The following ZBTB33 variants were observed in gnomAD, a reference collection of about 807,000 sequenced individuals.
ZBTB33 encodes transcriptional regulator Kaiso.
ZBTB33 carries 11 observed loss-of-function variants against 25.9 expected under a neutral mutation model. The ratio of observed to expected loss-of-function variants is 0.42; its 90% CI spans 0.27 to 0.70. The LOEUF (loss-of-function observed/expected upper bound fraction) is 0.70, where lower values mean the gene tolerates loss of function less well. Among genes scored for constraint, ZBTB33 ranks in the 30% least tolerant of loss-of-function variants. The pLI, the probability that ZBTB33 is intolerant of heterozygous loss-of-function variation, is 0.23. For synonymous variants in ZBTB33, 157 were observed against 184.8 expected (o/e 0.85, Z 1.22); for missense variants, 343 against 501.1 (o/e 0.68, Z 3.01).
chrX:120,251,289 G>T (rs185442079), intron 1 of ZBTB33, among the ~76,000 whole-genome samples: 3 of 110,300 alleles, frequency 2.7e-5, no homozygotes, highest in Non-Finnish European at 5.7e-5. Context: ...GCTTTTTTGT[G>T]CCTCTTTTAC....
In ZBTB33 at chrX:120,254,311, C is replaced by T; in HGVS notation, c.896C>T (p.Pro299Leu). 1 of 1,211,845 alleles carries T rather than the reference C, an allele frequency of 8.3e-7. No homozygotes were observed. The highest frequency in any genetic ancestry group is 2.3e-4 in the Middle Eastern group (1 of 4,356). The part of the protein sequence containing the change: ...STPPNVSSSL[P>L]NHMPSSINLL... The stretch of plus-strand genomic sequence containing the variant: ...CCACCAAATGTCAGTTCTTCACTTC[C>T]AAATCATATGCCCTCTTCAATCAAT... The change falls in exon 3 of 3, where the codon CCA becomes CTA. Residue 299 changes from proline to leucine, a missense_variant. By Grantham distance (98) the Pro-to-Leu change is moderately conservative. Coordinates refer to ENST00000557385, the MANE Select transcript of ZBTB33 (RefSeq NM_001184742.2).
chrX:120,251,223 G>A (rs1294655119), intron 1 of ZBTB33, among the ~76,000 whole-genome samples: 1 of 111,513 alleles, frequency 9.0e-6, no homozygotes, highest in Non-Finnish European at 1.9e-5. Context: ...GTAGGCCCCG[G>A]GGCTTGGGGA....
rs1310951917 is a variant in ZBTB33 at position 120,254,604 on chromosome X, A to G, written c.1189A>G (p.Arg397Gly). The change falls in exon 3 of 3, where the codon AGA becomes GGA. Residue 397 changes from arginine to glycine, a missense_variant. This residue lies in a region of ZBTB33 where 304 missense variants were observed against 410.0 expected (regional missense o/e 0.74). Transcript: ENST00000557385. ...NSLKISDIIT[R>G]NTNDPGVGSK... The stretch of plus-strand genomic sequence containing the variant: ...CTTAAAAATTTCAGATATAATTACT[A>G]GAAATACTAATGATCCAGGCGTAGG... 5 of 1,210,192 alleles carry G rather than the reference A, an allele frequency of 4.1e-6. No individual in the cohort carries two copies. Among genetic ancestry groups the G allele is most frequent in the Non-Finnish European group, 5.6e-6 (5 of 895,082 alleles).
At position 120,257,648 on chromosome X, in the gene ZBTB33, T is replaced by C. The variant is rs1556015743; in HGVS notation, c.*2214T>C. The C allele has an allele frequency of 3.2e-5, 4 of 123,209 alleles. No homozygotes were observed. The highest frequency in any genetic ancestry group is 1.9e-5 in the Non-Finnish European group (1 of 53,087). The allele number at this position is 123,209 out of a possible 1,213,427, so 10.2% of individuals were successfully genotyped here. ...GGAGGAGAGAAACTGGAAAATTAAA[T>C]TGTATTTTTGCCAGAAGACTCTTAC... is the stretch of plus-strand genomic sequence containing the variant. On this transcript the variant is annotated 3_prime_UTR_variant, in exon 3 of 3. Coordinates refer to ENST00000557385, the MANE Select transcript of ZBTB33 (RefSeq NM_001184742.2).
At position 120,257,701 on chromosome X, in the gene ZBTB33, T is replaced by C. The variant is rs1371434762; in HGVS notation, c.*2267T>C. ...GCATGTGTCTCAGGGTCTTCAGTTTTTCTATAAGTTTCCATATCCAAAGTT... is the reference window on the plus strand; with the variant it reads ...GCATGTGTCTCAGGGTCTTCAGTTTCTCTATAAGTTTCCATATCCAAAGTT... On this transcript the variant is annotated 3_prime_UTR_variant, in exon 3 of 3. Transcript: ENST00000557385. The C allele has an allele frequency of 8.1e-6, 1 of 123,437 alleles. No individual in the cohort carries two copies. Among genetic ancestry groups the C allele is most frequent in the African/African-American group, 3.2e-5 (1 of 30,908 alleles). The allele number at this position is 123,437 out of a possible 1,213,427, so 10.2% of individuals were successfully genotyped here.
chrX:120,252,959 G>A (rs975346584), intron 2 of ZBTB33, among the ~76,000 whole-genome samples, 189 bp downstream of exon 2: 3 of 111,837 alleles, frequency 2.7e-5, no homozygotes, highest in Non-Finnish European at 3.8e-5. Flanking sequence ...AGTATTGCAC[G>A]CGCTGAGCTT....
rs1269128088 is a variant in ZBTB33, at chrX:120,256,781, G to C, written c.*1347G>C. ...TTTATAACAGAATTGTTGAACGTCT[G>C]TAAATGATTTTTTTTTTTTTTGCAA... On this transcript the variant is annotated 3_prime_UTR_variant, in exon 3 of 3. Transcript: ENST00000557385. 8.3e-6 allele frequency: 1 copy of C among 120,176 alleles called. No individual in the cohort carries two copies. The highest frequency in any genetic ancestry group is 1.9e-5 in the Non-Finnish European group (1 of 52,396). 9.9% of individuals were successfully genotyped at this position (120,176 alleles called of 1,213,427 possible). A position where few individuals can be genotyped will look rare whatever the true frequency, so the allele number is the denominator to read the frequency against.
chrX:120,254,181 G>A lies in ZBTB33; in HGVS notation c.766G>A (p.Ala256Thr). The change falls in exon 3 of 3, where the codon GCA (alanine) becomes ACA (threonine). Residue 256 changes from alanine to threonine, a missense_variant. By Grantham distance (58) the Ala-to-Thr change is moderately conservative (BLOSUM62 0). Coordinates refer to ENST00000557385, the MANE Select transcript of ZBTB33 (RefSeq NM_001184742.2). ...GAAACTTCCTACTCCTGTGAATCAGGCAACTTTGAGCCAAACACAAGGAAG... is the reference window on the plus strand; with the variant it reads ...GAAACTTCCTACTCCTGTGAATCAGACAACTTTGAGCCAAACACAAGGAAG... ...TQKLPTPVNQ[A>T]TLSQTQGSEK... 5 of 1,211,491 alleles carry A rather than the reference G, an allele frequency of 4.1e-6. No individual in the cohort carries two copies. Among genetic ancestry groups the A allele is most frequent in the Non-Finnish European group, 5.6e-6 (5 of 895,436 alleles).
At position 120,254,126 on chromosome X, in the gene ZBTB33, G is replaced by A. The variant is rs782091390; in HGVS notation, c.711G>A (p.Ser237=). 4.1e-6 allele frequency: 5 copies of A among 1,210,948 alleles called. No homozygotes were observed. The highest frequency in any genetic ancestry group is 5.6e-6 in the Non-Finnish European group (5 of 895,283). Residue 237 remains serine, a synonymous_variant, in exon 3 of 3, where the codon TCG becomes TCA. Transcript: ENST00000557385. Reference sequence around the variant, plus strand: ...TTGCACCTAGTGCTAGCAATAACTCGCCCCCTTTAACAAATATCACACCTA... The same window carrying A: ...TTGCACCTAGTGCTAGCAATAACTCACCCCCTTTAACAAATATCACACCTA... ...SDVAPSASNN[S]PPLTNITPTQ... is the part of the protein sequence containing the mutation.
intron 1 of ZBTB33, among the ~76,000 whole-genome samples, chrX:120,252,199 A>T (rs189088836): frequency 3.0e-4 from 33 of 111,600 alleles, no homozygotes; most frequent in Non-Finnish European, 2.4e-4. Flanking sequence ...CCTGTATATA[A>T]CTTAAGCATT....
intron 1 of ZBTB33, among the ~76,000 whole-genome samples, chrX:120,251,742 G>T (rs2057602117): frequency 8.9e-6 from 1 of 112,249 alleles, no homozygotes; most frequent in African/African-American, 3.2e-5. Flanking sequence ...TTCCACAGTC[G>T]AATCGCATAT....
Position 120,255,179 on chromosome X carries a change from A to G in ZBTB33, c.1764A>G (p.Pro588=), listed in dbSNP as rs2057629738. 8.3e-7 allele frequency: 1 copy of G among 1,211,741 alleles called. No homozygotes were observed. Among genetic ancestry groups the G allele is most frequent in the African/African-American group, 1.7e-5 (1 of 57,788 alleles). ...SGDSKLYRLH[P]CRSLQIRQYA... ...ACTCAAAGCTTTATCGTTTACATCC[A>G]TGCAGGTCTTTACAAATCAGACAAT... The change falls in exon 3 of 3, where the codon CCA becomes CCG. Residue 588 remains proline, a synonymous_variant. Transcript: ENST00000557385.
Position 120,254,510 on chromosome X carries a change from C to G in ZBTB33, c.1095C>G (p.Thr365=). The change falls in exon 3 of 3, where the codon ACC becomes ACG. Residue 365 remains threonine, a synonymous_variant. Coordinates refer to ENST00000557385, the MANE Select transcript of ZBTB33 (RefSeq NM_001184742.2). ...LVPQADTSQN[T]SFDGSLIQKM... ...CACAGGCTGATACCTCCCAAAATAC[C>G]AGTTTTGATGGATCATTAATACAGA... The G allele has an allele frequency of 1.7e-6, 2 of 1,211,776 alleles. No individual in the cohort carries two copies. The highest frequency in any genetic ancestry group is 2.2e-6 in the Non-Finnish European group (2 of 895,471).
chrX:120,254,025 A>G lies in ZBTB33; in HGVS notation c.610A>G (p.Thr204Ala), dbSNP rs782543540. ...DVIFCSEILP[T>A]KETLPSNNTV... The stretch of plus-strand genomic sequence containing the variant: ...CATTTTTTGCTCCGAGATTCTGCCC[A>G]CAAAGGAGACTTTGCCGAGTAATAA... Residue 204 changes from threonine to alanine, a missense_variant, in exon 3 of 3, where the codon ACA becomes GCA. By Grantham distance (58) the Thr-to-Ala change is moderately conservative (BLOSUM62 0). Around this residue, in one of 2 missense-constraint regions of ZBTB33, gnomAD observed 304 missense variants for 410.0 expected, o/e 0.74. Transcript: ENST00000557385. 5.0e-6 allele frequency: 6 copies of G among 1,208,040 alleles called. No individual in the cohort carries two copies. The highest frequency in any genetic ancestry group is 2.2e-5 in the Admixed American group (1 of 45,658).
At position 120,257,347 on chromosome X, in the gene ZBTB33, A is replaced by G. The variant is rs1294448053; in HGVS notation, c.*1913A>G. 1 of 122,805 alleles carries G rather than the reference A, an allele frequency of 8.1e-6. No homozygotes were observed. Among genetic ancestry groups the G allele is most frequent in the Non-Finnish European group, 1.9e-5 (1 of 53,123 alleles). 10.1% of individuals were successfully genotyped at this position (122,805 alleles called of 1,213,427 possible). A position where few individuals can be genotyped will look rare whatever the true frequency, so the allele number is the denominator to read the frequency against. ...TGAGTTTCATTAATGCTATTTCACC[A>G]GTTAGACATAATTACTTCTACCGAT... On this transcript the variant is annotated 3_prime_UTR_variant, in exon 3 of 3. Transcript: ENST00000557385.
intron 1 of ZBTB33, among the ~76,000 whole-genome samples, chrX:120,251,731 T>A (rs2057602024): frequency 8.9e-6 from 1 of 112,260 alleles, no homozygotes; most frequent in Admixed American, 9.4e-5. Flanking sequence ...TGGAATGGCT[T>A]TTCCACAGTC....
At chrX:120,252,995 C>G (rs868935749) in intron 2 of ZBTB33, among the ~76,000 whole-genome samples, 3 of 111,829 alleles carry the variant, frequency 2.7e-5, no homozygotes, top group African/African-American at 9.8e-5. Context: ...CATTTACAGG[C>G]GAAATAACTT....
At position 120,253,490 on chromosome X, in the gene ZBTB33, A is replaced by G. The variant is rs1160521619; in HGVS notation, c.75A>G (p.Gln25=). 11 of 1,210,395 alleles carry G rather than the reference A, an allele frequency of 9.1e-6. No individual in the cohort carries two copies. In the South Asian group the frequency reaches 1.1e-4, roughly 12 times the overall value. The change falls in exon 3 of 3, where the codon CAA becomes CAG. Residue 25 remains glutamine (Q), a synonymous_variant. Transcript: ENST00000557385. ...GTCTGCTGAACTCCTTGAATGAGCA[A>G]CGTGGCCATGGACTCTTCTGTGATG... ...SGSLLNSLNE[Q]RGHGLFCDVT...
Position 120,257,308 on chromosome X carries a change from G to A in ZBTB33, c.*1874G>A, listed in dbSNP as rs1317865614. On this transcript the variant is annotated 3_prime_UTR_variant, in exon 3 of 3. Transcript: ENST00000557385. Reference sequence around the variant, plus strand: ...TAGTGTGCACTCTGAAATGTACTCAGTGAAAATTTGTTTTGAGTTTCATTA... The same window carrying A: ...TAGTGTGCACTCTGAAATGTACTCAATGAAAATTTGTTTTGAGTTTCATTA... 8.2e-6 allele frequency: 1 copy of A among 122,286 alleles called. No individual in the cohort carries two copies. The highest frequency in any genetic ancestry group is 1.9e-5 in the Non-Finnish European group (1 of 53,063). The allele number at this position is 122,286 out of a possible 1,213,427, so 10.1% of individuals were successfully genotyped here.
Sources: allele counts gnomAD v4.1 joint callset (sites outside exome capture counted in the v4.1 genomes callset), GRCh38; gene constraint gnomAD v4.1.1; regional missense constraint gnomAD v4.1.1; transcripts MANE v1.5; gene names NCBI Gene and HGNC (gene_info 2026-07-23, HGNC 2026-07-21).